Variants in SETBP1 observed in about 807,000 individuals in gnomAD.
The protein encoded by SETBP1 is SET binding protein 1.
In SETBP1, 9 loss-of-function variants were observed where a neutral mutation model predicts 101.0. That is an observed-to-expected ratio of 0.09 (90% CI 0.05 to 0.16). SETBP1 has a LOEUF of 0.16. Ranked by LOEUF, SETBP1 falls within the 10% of genes least tolerant of loss-of-function variation. The pLI is 1.00. For synonymous variants in SETBP1, 818 were observed against 788.5 expected (o/e 1.04, Z -0.63); for missense variants, 1,858 against 2,033.8 (o/e 0.91, Z 1.66).
chr18:45,028,958 G>T (rs866412464), intron 4 of SETBP1, among the ~76,000 whole-genome samples: 2 of 152,104 alleles, frequency 1.3e-5, no homozygotes, highest in Non-Finnish European at 2.9e-5. Flanking sequence ...CCATTTTGTA[G>T]GTTGCCTGTT....
At chr18:44,759,436 G>T (rs1043330130) in intron 2 of SETBP1, among the ~76,000 whole-genome samples, 1 of 152,126 alleles carries the variant, frequency 6.6e-6, no homozygotes, top group African/African-American at 2.4e-5. Context: ...GGTCTAACTG[G>T]CTTTTCTCAG....
At chr18:44,939,025 T>A (rs2071026663) in intron 3 of SETBP1, among the ~76,000 whole-genome samples, 1 of 151,284 alleles carries the variant, frequency 6.6e-6, no homozygotes, top group Non-Finnish European at 1.5e-5. Context: ...ATATAGGGAG[T>A]TCATAGTCAT....
chr18:44,933,586 C>T (rs926229758), intron 3 of SETBP1, among the ~76,000 whole-genome samples: 6 of 152,214 alleles, frequency 3.9e-5, no homozygotes, highest in African/African-American at 1.2e-4. Flanking sequence ...TCCTTGAGCT[C>T]CGTGGGCTCC....
At chr18:44,830,281 A>G (rs1166485257) in intron 2 of SETBP1, among the ~76,000 whole-genome samples, 2 of 152,222 alleles carry the variant, frequency 1.3e-5, no homozygotes, top group East Asian at 1.9e-4. Context: ...AAGGACCAGC[A>G]TTTTACTGAA....
chr18:44,891,914 TTTTTA>T (rs1161710840), intron 3 of SETBP1, among the ~76,000 whole-genome samples: 4 of 152,174 alleles, frequency 2.6e-5, no homozygotes, highest in African/African-American at 9.7e-5. Flanking sequence ...TGAACATTGC[TTTTTA>T]TTTTCTCAAA....
chr18:44,695,855 C>T (rs1037928940), intron 1 of SETBP1, among the ~76,000 whole-genome samples: 2 of 151,022 alleles, frequency 1.3e-5, no homozygotes, highest in African/African-American at 2.4e-5. Flanking sequence ...GGCTGGGAAA[C>T]CACCTTTTTT....
At chr18:44,873,290 C>T (rs1319948939) in intron 3 of SETBP1, among the ~76,000 whole-genome samples, 1 of 152,106 alleles carries the variant, frequency 6.6e-6, no homozygotes, top group African/African-American at 2.4e-5. Context: ...GACGAAGTTA[C>T]CTAATGTCTT....
chr18:44,718,398 G>A (rs754019576), intron 2 of SETBP1, among the ~76,000 whole-genome samples: 6 of 152,172 alleles, frequency 3.9e-5, no homozygotes, highest in Non-Finnish European at 5.9e-5. Context: ...AGCAGGAGGA[G>A]CGGGAGAAGT....
intron 3 of SETBP1, among the ~76,000 whole-genome samples, chr18:44,883,596 A>G (rs1271339926): frequency 2.0e-5 from 3 of 152,232 alleles, no homozygotes; most frequent in Non-Finnish European, 2.9e-5. Flanking sequence ...CCTTACATAC[A>G]TGGAACAATT....
chr18:44,820,609 C>A (rs2072091130), intron 2 of SETBP1, among the ~76,000 whole-genome samples: 1 of 152,194 alleles, frequency 6.6e-6, no homozygotes, highest in South Asian at 2.1e-4. Flanking sequence ...GAAAATAGTG[C>A]AACTCTACTA....
chr18:44,816,294 T>C (rs190172111), intron 2 of SETBP1, among the ~76,000 whole-genome samples: 151 of 152,092 alleles, frequency 9.9e-4, no homozygotes, highest in Admixed American at 2.2e-3. Flanking sequence ...GGAGGGGCTG[T>C]GTAGCAGGTG....
chr18:44,852,109 G>T (rs2072880208), intron 2 of SETBP1, among the ~76,000 whole-genome samples: 1 of 152,238 alleles, frequency 6.6e-6, no homozygotes. Context: ...GACAGCAGCT[G>T]CACAGAGCTG....
At chr18:44,797,252 TG>T (rs2071500378) in intron 2 of SETBP1, among the ~76,000 whole-genome samples, 1 of 152,242 alleles carries the variant, frequency 6.6e-6, no homozygotes. Context: ...TGCTATATGT[TG>T]TCTCACATAT....
At chr18:44,941,750 C>G (rs2071092134) in intron 3 of SETBP1, among the ~76,000 whole-genome samples, 1 of 151,850 alleles carries the variant, frequency 6.6e-6, no homozygotes, top group South Asian at 2.1e-4. Flanking sequence ...ATCTGTTAAG[C>G]AACTCCAGTG....
intron 4 of SETBP1, among the ~76,000 whole-genome samples, chr18:44,974,190 C>T (rs2071933952): frequency 6.6e-6 from 1 of 152,122 alleles, no homozygotes. Flanking sequence ...TTATCATAGG[C>T]CAATAACAGC....
intron 3 of SETBP1, 54 bp from the exon 4 acceptor site, chr18:44,949,827 C>T (rs983895933): frequency 4.0e-5 from 55 of 1,387,764 alleles, no homozygotes; most frequent in Non-Finnish European, 4.4e-5. Flanking sequence ...TCAACATGCT[C>T]ATCTTTGTTT....
chr18:44,976,306 C>G (rs1231049479), intron 4 of SETBP1, among the ~76,000 whole-genome samples: 3 of 152,132 alleles, frequency 2.0e-5, no homozygotes, highest in African/African-American at 7.2e-5. Flanking sequence ...GTTGCAAAGG[C>G]CAAAGCTTGG....
chr18:44,685,838 A>G (rs188920536), intron 1 of SETBP1, among the ~76,000 whole-genome samples: 57 of 152,326 alleles, frequency 3.7e-4, no homozygotes, highest in African/African-American at 1.3e-3. Context: ...CGATGTCCAT[A>G]TAACTGTATA....
rs571653386 is a variant in SETBP1 at position 44,913,792 on chromosome 18, C to A, written c.541-36089C>A. Among the ~76,000 whole-genome samples the A allele has an allele frequency of 5.5e-4, 84 of 152,302 alleles. 1 individual carries two copies. In the South Asian group the frequency reaches 0.017, roughly 30 times the overall value. On this transcript the variant is annotated intron_variant, in intron 3 of 5. Transcript: ENST00000649279. ...GTCTCTCAGGCATCTTTGAATGGCC[C>A]ACAGTGACTATAGCCAACTGTGGAA...
Sources: allele counts gnomAD v4.1 joint callset (sites outside exome capture counted in the v4.1 genomes callset), GRCh38; gene constraint gnomAD v4.1.1; transcripts MANE v1.5; gene names NCBI Gene and HGNC (gene_info 2026-07-23, HGNC 2026-07-21).